The following ARID2 variants were observed in gnomAD, a reference collection of about 807,000 sequenced individuals.
ARID2 encodes the protein AT-rich interaction domain 2.
A neutral mutation model predicts 184.6 loss-of-function variants in ARID2; 32 were observed. That is an observed-to-expected ratio of 0.17 (90% CI 0.13 to 0.23). The LOEUF (loss-of-function observed/expected upper bound fraction) is 0.23. Among genes scored for constraint, ARID2 ranks in the 10% least tolerant of loss-of-function variants. The pLI, the probability that ARID2 is intolerant of heterozygous loss-of-function variation, is 1.00. For synonymous variants in ARID2, 836 were observed against 772.6 expected (o/e 1.08, Z -1.36); for missense variants, 1,696 against 2,197.6 (o/e 0.77, Z 4.56).
intron 6 of ARID2, among the ~76,000 whole-genome samples, chr12:45,825,533 C>T (rs1249068295): frequency 6.6e-6 from 1 of 152,060 alleles, no homozygotes; most frequent in African/African-American, 2.4e-5. Context: ...TAATGATAAG[C>T]TTCAACTAAT....
chr12:45,820,517 A>G (rs549183302), intron 5 of ARID2, among the ~76,000 whole-genome samples: 4 of 152,304 alleles, frequency 2.6e-5, no homozygotes, highest in Non-Finnish European at 4.4e-5. Flanking sequence ...TTGTTTTTTT[A>G]AAGATTAACG....
chr12:45,847,203 A>G (rs1473400246), intron 12 of ARID2, among the ~76,000 whole-genome samples: 1 of 152,138 alleles, frequency 6.6e-6, no homozygotes, highest in African/African-American at 2.4e-5. Context: ...TTTTCAGAGT[A>G]AAATTTGTGT....
intron 6 of ARID2, among the ~76,000 whole-genome samples, chr12:45,832,195 T>TTA (rs1393113327): frequency 6.6e-6 from 1 of 152,144 alleles, no homozygotes; most frequent in African/African-American, 2.4e-5. Flanking sequence ...AAACTGTAGG[T>TTA]TTTAGGGTTT....
intron 20 of ARID2, among the ~76,000 whole-genome samples, chr12:45,897,646 T>C (rs965191347): frequency 6.6e-6 from 1 of 152,142 alleles, no homozygotes; most frequent in African/African-American, 2.4e-5. Flanking sequence ...AATTGAAAGA[T>C]ATGTTTACAC....
intron 3 of ARID2, among the ~76,000 whole-genome samples, chr12:45,768,493 G>A (rs1178986728): frequency 6.6e-6 from 1 of 152,182 alleles, no homozygotes; most frequent in Non-Finnish European, 1.5e-5. Context: ...CAGCTCCAGA[G>A]ATAGAGACTT....
At chr12:45,882,970 C>T (rs1358899346) in intron 16 of ARID2, among the ~76,000 whole-genome samples, 1 of 152,154 alleles carries the variant, frequency 6.6e-6, no homozygotes, top group East Asian at 1.9e-4. Flanking sequence ...CTGTTGGCAT[C>T]TTGCATTTTC....
At chr12:45,746,533 A>G (rs1941358912) in intron 3 of ARID2, among the ~76,000 whole-genome samples, 1 of 152,132 alleles carries the variant, frequency 6.6e-6, no homozygotes, top group Admixed American at 6.6e-5. Context: ...TTAATAGTAT[A>G]CTTTTGGTTT....
chr12:45,764,474 A>T (rs1216660396), intron 3 of ARID2, among the ~76,000 whole-genome samples: 1 of 152,212 alleles, frequency 6.6e-6, no homozygotes, highest in Non-Finnish European at 1.5e-5. Context: ...GAAGATGTAG[A>T]ACAGTTGTGT....
chr12:45,848,650 A>C (rs1434920889), intron 12 of ARID2, among the ~76,000 whole-genome samples, 186 bp from the exon 13 acceptor site: 1 of 152,052 alleles, frequency 6.6e-6, no homozygotes, highest in East Asian at 1.9e-4. Context: ...TAAAATAAGC[A>C]TGTTAATCTA....
At chr12:45,730,769 A>G (rs1940974477) in intron 2 of ARID2, among the ~76,000 whole-genome samples, 2 of 149,816 alleles carry the variant, frequency 1.3e-5, no homozygotes, top group Non-Finnish European at 3.0e-5. Flanking sequence ...AGAAGGGCCT[A>G]TGGAGATGGA....
At position 45,906,776 on chromosome 12, in the gene ARID2, GA is replaced by G. The variant is rs1944535510; in HGVS notation, c.*1700del. The G allele has an allele frequency of 4.3e-6, 1 of 232,040 alleles. No homozygotes were observed. The highest frequency in any genetic ancestry group is 8.5e-6 in the Non-Finnish European group (1 of 117,336). The allele number at this position is 232,040 out of a possible 1,614,324, so 14.4% of individuals were successfully genotyped here. A position where few individuals can be genotyped will look rare whatever the true frequency, so the allele number is the denominator to read the frequency against. ...TGTTATAATGCAGAGCAAATGTAGA[GA>G]ACAGCAAATGATTGATGCAGTTAAA... On this transcript the variant is annotated 3_prime_UTR_variant, in exon 21 of 21. Coordinates refer to ENST00000334344, the MANE Select transcript of ARID2 (RefSeq NM_152641.4).
intron 3 of ARID2, among the ~76,000 whole-genome samples, chr12:45,780,810 G>A (rs1442236463): frequency 6.6e-6 from 1 of 151,896 alleles, no homozygotes; most frequent in Non-Finnish European, 1.5e-5. Flanking sequence ...AGTAGTGATG[G>A]GGTTTCACTA....
chr12:45,877,073 C>T (rs531108252), intron 16 of ARID2, among the ~76,000 whole-genome samples: 1 of 131,014 alleles, frequency 7.6e-6, no homozygotes, highest in East Asian at 2.2e-4. Context: ...GCCTGGGTGA[C>T]AGAGTGAGAC....
chr12:45,733,776 C>G (rs1002668921), intron 3 of ARID2, among the ~76,000 whole-genome samples: 1 of 152,096 alleles, frequency 6.6e-6, no homozygotes, highest in African/African-American at 2.4e-5. Flanking sequence ...ATTTTTGATA[C>G]AAATATTGAC....
chr12:45,892,519 T>G (rs1944314386), intron 18 of ARID2, among the ~76,000 whole-genome samples: 1 of 152,124 alleles, frequency 6.6e-6, no homozygotes, highest in Non-Finnish European at 1.5e-5. Flanking sequence ...CATACACTAG[T>G]TTACAGTTTA....
intron 3 of ARID2, among the ~76,000 whole-genome samples, chr12:45,742,812 A>G (rs1397542030): frequency 6.6e-6 from 1 of 152,218 alleles, no homozygotes; most frequent in East Asian, 1.9e-4. Context: ...AGAGCTAGTT[A>G]CTAAAGTGGG....
chr12:45,786,644 T>C lies in ARID2; in HGVS notation c.285-24774T>C, dbSNP rs142740164. Among the ~76,000 whole-genome samples, 83 of 152,322 alleles carry C rather than the reference T, an allele frequency of 5.4e-4. No individual in the cohort carries two copies. The East Asian group carries it at 0.013, about 23-fold the overall frequency. ...CAGCGATCCAACTACTGGATATATG[T>C]CCAAAGGGAAAGAAATCAGTATATT... On this transcript the variant is annotated intron_variant, in intron 3 of 20. Transcript: ENST00000334344.
chr12:45,879,674 T>C (rs1207856280), intron 16 of ARID2, among the ~76,000 whole-genome samples: 1 of 152,202 alleles, frequency 6.6e-6, no homozygotes, highest in Non-Finnish European at 1.5e-5. Flanking sequence ...TTCATCTTAT[T>C]TCTTATTGTG....
At chr12:45,743,701 A>G (rs2137982631) in intron 3 of ARID2, among the ~76,000 whole-genome samples, 1 of 152,266 alleles carries the variant, frequency 6.6e-6, no homozygotes, top group South Asian at 2.1e-4. Context: ...CATTAAATTT[A>G]TAAGTTGGAG....
Sources: allele counts gnomAD v4.1 joint callset (sites outside exome capture counted in the v4.1 genomes callset), GRCh38; gene constraint gnomAD v4.1.1; transcripts MANE v1.5; gene names NCBI Gene and HGNC (gene_info 2026-07-23, HGNC 2026-07-21).